The following NEK11 variants were observed in gnomAD, a reference collection of about 807,000 sequenced individuals.
NEK11 encodes the protein NIMA related kinase 11, also known as serine/threonine-protein kinase Nek11.
In NEK11, 72 loss-of-function variants were observed where a neutral mutation model predicts 80.7. That is an observed-to-expected ratio of 0.89 (90% CI 0.74 to 1.08). The LOEUF is 1.08. NEK11 is among the 50% of genes least tolerant of loss of function. NEK11 has a pLI of 0.00. For synonymous variants in NEK11, 251 were observed against 260.7 expected, an observed-to-expected ratio of 0.96 and a Z score of 0.36; for missense variants, 764 against 763.6, an observed-to-expected ratio of 1.00 and a Z score of -0.01.
At chr3:131,050,539 G>A (rs1270415145) in intron 3 of NEK11, among the ~76,000 whole-genome samples, 1 of 152,162 alleles carries the variant, frequency 6.6e-6, no homozygotes, top group East Asian at 1.9e-4. Context: ...AGGTAGACAA[G>A]GACATAAAAC....
intron 14 of NEK11, among the ~76,000 whole-genome samples, chr3:131,191,339 G>A (rs896255615): frequency 2.3e-4 from 35 of 152,124 alleles, no homozygotes; most frequent in Non-Finnish European, 3.1e-4. Context: ...AGGCTCTAGT[G>A]ACCTTGCTGT....
intron 13 of NEK11, among the ~76,000 whole-genome samples, chr3:131,169,350 A>G (rs2092517647): frequency 6.6e-6 from 1 of 152,178 alleles, no homozygotes. Context: ...GAGTTATGGG[A>G]GAGAATGGGC....
At chr3:131,062,547 CA>C (rs2148824835) in intron 3 of NEK11, among the ~76,000 whole-genome samples, 1 of 152,362 alleles carries the variant, frequency 6.6e-6, no homozygotes, top group East Asian at 1.9e-4. Context: ...AACATTCCTA[CA>C]CCCTTAAAAA....
Position 131,132,803 on chromosome 3 carries a change from A to G in NEK11, c.514A>G (p.Lys172Glu). 1 of 1,432,102 alleles carries G rather than the reference A, an allele frequency of 7.0e-7. No homozygotes were observed. The highest frequency in any genetic ancestry group is 1.2e-5 in the South Asian group (1 of 80,166). The allele number at this position is 1,432,102 out of a possible 1,614,324, so 88.7% of individuals were successfully genotyped here. A position where few individuals can be genotyped will look rare whatever the true frequency, so the allele number is the denominator to read the frequency against. Residue 172 changes from lysine (K) to glutamate (E), a missense_variant, in exon 6 of 18, where the codon AAA (lysine) becomes GAA (glutamate). Coordinates refer to ENST00000383366, the MANE Select transcript of NEK11 (RefSeq NM_024800.5). ...KNVFLKNNLLKIGDFGVSRLL... is the reference protein window; with the variant it reads ...KNVFLKNNLLEIGDFGVSRLL... ...TGTATTTCTGAAAAATAATCTCCTT[A>G]AAATTGGTAAGATTTTAAAAAGTAT...
intron 3 of NEK11, among the ~76,000 whole-genome samples, chr3:131,057,048 C>G (rs529647462): frequency 1.6e-5 from 2 of 122,648 alleles, no homozygotes; most frequent in East Asian, 5.5e-4. Context: ...TCCCCCCACC[C>G]CACAACTGTC....
intron 3 of NEK11, among the ~76,000 whole-genome samples, chr3:131,068,945 A>G (rs185114791): frequency 3.3e-5 from 5 of 152,288 alleles, no homozygotes; most frequent in Admixed American, 2.0e-4. Context: ...TGCAGTAACA[A>G]CTGGCTTTAT....
chr3:131,035,934 C>T (rs1285290484), intron 3 of NEK11, among the ~76,000 whole-genome samples: 2 of 152,180 alleles, frequency 1.3e-5, no homozygotes, highest in Non-Finnish European at 2.9e-5. Context: ...GATGCACCCC[C>T]ATACAAATAT....
intron 10 of NEK11, among the ~76,000 whole-genome samples, chr3:131,158,342 C>T (rs889052667): frequency 2.6e-5 from 4 of 152,156 alleles, no homozygotes; most frequent in Non-Finnish European, 5.9e-5. Flanking sequence ...TTTTGACTTT[C>T]CTGCCCTGCC....
At chr3:131,170,501 T>C (rs530954419) in intron 13 of NEK11, among the ~76,000 whole-genome samples, 2 of 152,250 alleles carry the variant, frequency 1.3e-5, no homozygotes, top group African/African-American at 4.8e-5. Context: ...GTACCTTCAA[T>C]TGGTACCTTG....
At chr3:131,279,233 C>T (rs2096355644) in intron 17 of NEK11, among the ~76,000 whole-genome samples, 1 of 151,774 alleles carries the variant, frequency 6.6e-6, no homozygotes, top group Non-Finnish European at 1.5e-5. Flanking sequence ...GTCTGTAATC[C>T]CAGCTACTAG....
chr3:131,139,304 G>T (rs574193410), intron 7 of NEK11, among the ~76,000 whole-genome samples: 1 of 139,844 alleles, frequency 7.2e-6, no homozygotes, highest in Non-Finnish European at 1.5e-5. Context: ...TAGTAAGCTC[G>T]AAGACAGGAT....
intron 4 of NEK11, among the ~76,000 whole-genome samples, chr3:131,084,641 A>G (rs539478854): frequency 6.6e-6 from 1 of 152,322 alleles, no homozygotes; most frequent in South Asian, 2.1e-4. Context: ...AGAACATATG[A>G]TAGGGAAAAA....
chr3:131,129,050 G>GTTT (rs1436667259), intron 5 of NEK11, among the ~76,000 whole-genome samples: 1 of 108,236 alleles, frequency 9.2e-6, no homozygotes, highest in African/African-American at 3.6e-5. Flanking sequence ...TTGGATAACA[G>GTTT]TCTTTTTTTT....
intron 16 of NEK11, among the ~76,000 whole-genome samples, chr3:131,254,257 A>G (rs1239509067): frequency 6.6e-6 from 1 of 152,194 alleles, no homozygotes; most frequent in African/African-American, 2.4e-5. Context: ...AGTGGTCGCA[A>G]TGTGTCAGTA....
intron 17 of NEK11, among the ~76,000 whole-genome samples, chr3:131,312,709 C>A (rs2096794072): frequency 6.6e-6 from 1 of 152,088 alleles, no homozygotes. Context: ...AGAATAGGGC[C>A]AAGGGTGATT....
At chr3:131,332,897 C>A (rs766728890) in intron 17 of NEK11, among the ~76,000 whole-genome samples, 2 of 151,760 alleles carry the variant, frequency 1.3e-5, no homozygotes, top group Non-Finnish European at 2.9e-5. Context: ...TGAAACGAAG[C>A]GAGAAGGGAA....
At chr3:131,146,416 CCT>C (rs549915719) in intron 7 of NEK11, among the ~76,000 whole-genome samples, 43 of 152,066 alleles carry the variant, frequency 2.8e-4, no homozygotes, top group Non-Finnish European at 5.3e-4. Context: ...CAAATTACTT[CCT>C]CTCTCTGAGC....
At chr3:131,169,568 A>G (rs955041306) in intron 13 of NEK11, among the ~76,000 whole-genome samples, 1 of 152,328 alleles carries the variant, frequency 6.6e-6, no homozygotes, top group Admixed American at 6.5e-5. Context: ...AGCTTAAAAC[A>G]GTTGGATACC....
intron 5 of NEK11, among the ~76,000 whole-genome samples, chr3:131,113,298 G>C (rs1371478204): frequency 6.6e-6 from 1 of 152,030 alleles, no homozygotes; most frequent in Non-Finnish European, 1.5e-5. Flanking sequence ...AGGAGAGAGA[G>C]AGAATGAGAA....
Sources: allele counts gnomAD v4.1 joint callset (sites outside exome capture counted in the v4.1 genomes callset), GRCh38; gene constraint gnomAD v4.1.1; transcripts MANE v1.5; gene names NCBI Gene and HGNC (gene_info 2026-07-23, HGNC 2026-07-21).